The following IL15 variants were observed in gnomAD, a reference collection of about 807,000 sequenced individuals.
IL15 encodes interleukin-15.
A neutral mutation model predicts 19.6 loss-of-function variants in IL15; 11 were observed. The observed-to-expected ratio is 0.56, with a 90% CI of 0.35 to 0.93. IL15 has a LOEUF of 0.93. Among genes scored for constraint, IL15 ranks in the 40% least tolerant of loss-of-function variants. IL15 has a pLI of 0.01. For synonymous variants in IL15, 58 were observed against 59.6 expected, an observed-to-expected ratio of 0.97 and a Z score of 0.12; for missense variants, 197 against 186.5, an observed-to-expected ratio of 1.06 and a Z score of -0.33.
At chr4:141,682,871 G>A (rs1306316548) in intron 2 of IL15, among the ~76,000 whole-genome samples, 1 of 151,872 alleles carries the variant, frequency 6.6e-6, no homozygotes, top group Non-Finnish European at 1.5e-5. Context: ...GGAATGGCAT[G>A]AACCCGGGAG....
chr4:141,650,074 G>A (rs1029249140), intron 1 of IL15, among the ~76,000 whole-genome samples: 1 of 152,060 alleles, frequency 6.6e-6, no homozygotes, highest in African/African-American at 2.4e-5. Flanking sequence ...GTGCCAAGCA[G>A]TATAAAAGCA....
intron 2 of IL15, among the ~76,000 whole-genome samples, chr4:141,707,973 G>A (rs1385335511): frequency 6.6e-6 from 1 of 152,202 alleles, no homozygotes; most frequent in Non-Finnish European, 1.5e-5. Context: ...GCAGTCTGTT[G>A]GAGAGGCAGA....
In IL15 at chr4:141,722,018, C is replaced by T. The variant is rs1730101705; in HGVS notation, c.195+10C>T. The stretch of plus-strand genomic sequence containing the variant: ...TGAAGATCTTATTCAAGTGAGTACT[C>T]ATTTTTCCATAAAATGCCTGGTATA... On this transcript the variant is annotated intron_variant, in intron 5 of 7. Transcript: ENST00000320650. The T allele has an allele frequency of 1.3e-6, 2 of 1,566,696 alleles. No individual in the cohort carries two copies. The highest frequency in any genetic ancestry group is 1.7e-6 in the Non-Finnish European group (2 of 1,146,326).
At chr4:141,703,840 C>G (rs976384674) in intron 2 of IL15, among the ~76,000 whole-genome samples, 1 of 150,908 alleles carries the variant, frequency 6.6e-6, no homozygotes, top group African/African-American at 2.4e-5. Flanking sequence ...TAAATAGGAT[C>G]CCTTTTTGAT....
intron 2 of IL15, among the ~76,000 whole-genome samples, chr4:141,711,543 G>T (rs949805064): frequency 1.3e-5 from 2 of 152,058 alleles, no homozygotes; most frequent in African/African-American, 4.8e-5. Flanking sequence ...TATATGCTTA[G>T]CATGCTTATA....
At chr4:141,712,757 GC>G (rs2152186685) in intron 2 of IL15, among the ~76,000 whole-genome samples, 1 of 151,004 alleles carries the variant, frequency 6.6e-6, no homozygotes, top group South Asian at 2.1e-4. Flanking sequence ...AAATCTTACT[GC>G]TACCTCTGTC....
chr4:141,698,889 C>T (rs1427402880), intron 2 of IL15, among the ~76,000 whole-genome samples: 2 of 151,452 alleles, frequency 1.3e-5, no homozygotes, highest in African/African-American at 2.4e-5. Context: ...TAGTTTGTTC[C>T]TGTCTCTTAA....
At position 141,710,311 on chromosome 4, in the gene IL15, A is replaced by G. The variant is rs537449637; in HGVS notation, c.-99-9055A>G. On this transcript the variant is annotated intron_variant, in intron 2 of 7. Transcript: ENST00000320650. ...TGTTCAAGAGCCAGTGTTAATGGAC[A>G]TTCTCAGAGAGTTTTAACTTTTATC... Among the ~76,000 whole-genome samples the G allele has an allele frequency of 5.3e-5, 8 of 152,290 alleles. No individual in the cohort carries two copies. The South Asian group carries it at 1.7e-3, about 32-fold the overall frequency.
chr4:141,715,174 T>C (rs1729840473), intron 2 of IL15: 1 of 152,154 alleles, frequency 6.6e-6, no homozygotes, highest in South Asian at 2.1e-4. Flanking sequence ...ATTAGTCCTA[T>C]CATAAAAAAT....
At chr4:141,701,582 A>C (rs1729318408) in intron 2 of IL15, among the ~76,000 whole-genome samples, 1 of 152,114 alleles carries the variant, frequency 6.6e-6, no homozygotes, top group African/African-American at 2.4e-5. Flanking sequence ...TTATTTACTG[A>C]GTTGATGATT....
At position 141,665,138 on chromosome 4, in the gene IL15, T is replaced by A. The variant is rs140007893; in HGVS notation, c.-100+8831T>A. ...ATTTCACCTTTTAAAAGTCTGGTTA[T>A]CCTATCATTTTGTTTATTATACATT... On this transcript the variant is annotated intron_variant, in intron 2 of 7. Transcript: ENST00000320650. Among the ~76,000 whole-genome samples the A allele has an allele frequency of 2.5e-3, 388 of 152,240 alleles. 13 individuals are homozygous for A. The East Asian group carries it at 0.059, about 23-fold the overall frequency.
At chr4:141,645,736 A>G (rs1328952284) in intron 1 of IL15, among the ~76,000 whole-genome samples, 1 of 152,130 alleles carries the variant, frequency 6.6e-6, no homozygotes, top group Non-Finnish European at 1.5e-5. Context: ...ACTGCAATGT[A>G]TGTGGCCTCA....
chr4:141,719,539 G>T, intron 3 of IL15, 63 bp downstream of exon 3: 1 of 1,298,024 alleles, frequency 7.7e-7, no homozygotes, highest in Non-Finnish European at 1.1e-6. Context: ...CTGAATCTCA[G>T]AGTCTTTGCA....
At position 141,731,945 on chromosome 4, in the gene IL15, AC is replaced by A. The variant is rs1238680936; in HGVS notation, c.379-791del. On this transcript the variant is annotated intron_variant, in intron 7 of 7. Coordinates refer to ENST00000320650, the MANE Select transcript of IL15 (RefSeq NM_000585.5). ...TGAAGTACAACAATTTGTGGTATTC[AC>A]CTAAATGGCTCAGTTCAACCAATGG... is the stretch of plus-strand genomic sequence containing the variant. 2.0e-5 allele frequency among the ~76,000 whole-genome samples: 3 copies of A among 152,192 alleles called. No homozygotes were observed. The East Asian group carries it at 5.8e-4, about 29-fold the overall frequency.
chr4:141,719,856 A>C (rs1287017620), intron 3 of IL15, among the ~76,000 whole-genome samples: 1 of 152,172 alleles, frequency 6.6e-6, no homozygotes, highest in Admixed American at 6.6e-5. Flanking sequence ...AAACTTTAAA[A>C]GCTTCGACAA....
At chr4:141,718,128 AG>A (rs1459696235) in intron 2 of IL15, 7 of 152,312 alleles carry the variant, frequency 4.6e-5, no homozygotes, top group Admixed American at 4.6e-4. Flanking sequence ...GTAGTTGAGC[AG>A]GGTAGTGAAA....
chr4:141,640,348 G>T (rs1234993324), intron 1 of IL15, among the ~76,000 whole-genome samples: 1 of 151,382 alleles, frequency 6.6e-6, no homozygotes, highest in East Asian at 1.9e-4. Flanking sequence ...GCTTGCATTA[G>T]GACACAACTA....
At chr4:141,649,785 C>T (rs1727345674) in intron 1 of IL15, among the ~76,000 whole-genome samples, 1 of 151,960 alleles carries the variant, frequency 6.6e-6, no homozygotes, top group African/African-American at 2.4e-5. Flanking sequence ...GTCTGGATGG[C>T]TCAACATCAG....
At chr4:141,683,890 T>G (rs1457617280) in intron 2 of IL15, among the ~76,000 whole-genome samples, 5 of 152,234 alleles carry the variant, frequency 3.3e-5, no homozygotes, top group Non-Finnish European at 5.9e-5. Flanking sequence ...TAAAGGGATT[T>G]ATAACCCAAA....
Sources: gnomAD v4.1 joint callset for allele counts (sites outside exome capture counted in the v4.1 genomes callset) on GRCh38, gnomAD v4.1.1 for gene constraint, MANE v1.5 for transcripts, NCBI Gene and HGNC (gene_info 2026-07-23, HGNC 2026-07-21) for gene names.